UHRF1: variants seen among roughly 807,000 people sequenced by gnomAD.
UHRF1 encodes the protein ubiquitin like with PHD and ring finger domains 1.
In UHRF1, 9 loss-of-function variants were observed where a neutral mutation model predicts 96.5. The observed-to-expected ratio is 0.09, with a 90% CI of 0.06 to 0.16. UHRF1 has a LOEUF of 0.16. UHRF1 is among the 10% of genes least tolerant of loss of function. The probability of loss-of-function intolerance (pLI) is 1.00; values close to 1 mark genes in which losing one functional copy is unlikely to be tolerated. For missense variants in UHRF1, 626 were observed against 1,131.1 expected, an observed-to-expected ratio of 0.55 and a Z score of 6.40; for synonymous variants, 455 against 469.9, an observed-to-expected ratio of 0.97 and a Z score of 0.41.
At chr19:4,959,041 C>T (rs1030633620) in intron 16 of UHRF1, among the ~76,000 whole-genome samples, 2 of 150,892 alleles carry the variant, frequency 1.3e-5, no homozygotes, top group Non-Finnish European at 3.0e-5. Flanking sequence ...GCAGTGGTGC[C>T]ATCATAGCTC....
chr19:4,925,858 T>C (rs2032851411), intron 2 of UHRF1, among the ~76,000 whole-genome samples: 1 of 150,222 alleles, frequency 6.7e-6, no homozygotes, highest in Non-Finnish European at 1.5e-5. Flanking sequence ...ATGGCCACAT[T>C]GTGTTGATCC....
chr19:4,907,566 G>A (rs915681905), upstream of UHRF1, among the ~76,000 whole-genome samples: 3 of 151,776 alleles, frequency 2.0e-5, no homozygotes, highest in African/African-American at 7.3e-5. Flanking sequence ...CACCACGCCC[G>A]GCCCACACAT....
At chr19:4,912,165 G>A (rs904635719) in intron 2 of UHRF1, among the ~76,000 whole-genome samples, 1 of 152,134 alleles carries the variant, frequency 6.6e-6, no homozygotes, top group African/African-American at 2.4e-5. Context: ...GCCCTGCCCC[G>A]GGAGGAGGCG....
chr19:4,910,626 T>A, intron 1 of UHRF1: 1 of 386,698 alleles, frequency 2.6e-6, no homozygotes, highest in Admixed American at 4.5e-5. Context: ...TCTGCTTTTC[T>A]TTCAATTCCC....
At position 4,957,993 on chromosome 19, in the gene UHRF1, G is replaced by A. The variant is rs180979405; in HGVS notation, c.2235+1180G>A. On this transcript the variant is annotated intron_variant, in intron 16 of 16. Transcript: ENST00000650932. ...GTTGCTGGCGGTTTTCCTTCCAACT[G>A]CAGTCCCGCAGTCCTCTCAGCCATG... 1.9e-4 allele frequency among the ~76,000 whole-genome samples: 29 copies of A among 152,346 alleles called. No homozygotes were observed. In the Middle Eastern group the frequency reaches 0.01, roughly 54 times the overall value.
intron 10 of UHRF1, 23 bp from the exon 11 acceptor site, chr19:4,947,082 C>G: frequency 6.3e-7 from 1 of 1,580,774 alleles, no homozygotes; most frequent in Non-Finnish European, 8.7e-7. Flanking sequence ...AGAGGGTTCA[C>G]CCAGCCTTCT....
chr19:4,938,730 G>GTTTTTTTTTTTTTTTTTTTTT lies in UHRF1; in HGVS notation c.786-2787_786-2767dup, dbSNP rs71170880. Among the ~76,000 whole-genome samples, 23 of 61,586 alleles carry GTTTTTTTTTTTTTTTTTTTTT rather than the reference G, an allele frequency of 3.7e-4. 2 individuals are homozygous for GTTTTTTTTTTTTTTTTTTTTT. The highest frequency in any genetic ancestry group is 6.9e-4 in the South Asian group (1 of 1,452). The allele number at this position is 61,586 out of a possible 152,430, so 40.4% of individuals were successfully genotyped here. On this transcript the variant is annotated intron_variant, in intron 5 of 16. Coordinates refer to ENST00000650932, the MANE Select transcript of UHRF1 (RefSeq NM_001048201.3). ...GGCATAAGAGTTTTGTTTTGGTCAG[G>GTTTTTTTTTTTTTTTTTTTTT]TTTTTTTTTTTTTTTTTTTTTTTTT... is the stretch of plus-strand genomic sequence containing the variant.
chr19:4,928,058 G>A (rs2032928967), intron 2 of UHRF1, among the ~76,000 whole-genome samples: 1 of 152,232 alleles, frequency 6.6e-6, no homozygotes, highest in South Asian at 2.1e-4. Flanking sequence ...TTTCTTGGGG[G>A]CCTGTGGAAT....
intron 13 of UHRF1, among the ~76,000 whole-genome samples, chr19:4,951,308 C>G (rs2033711555): frequency 6.6e-6 from 1 of 152,138 alleles, no homozygotes; most frequent in South Asian, 2.1e-4. Flanking sequence ...TCTGACACTT[C>G]CCGCCTGGGC....
At chr19:4,938,730 GTTTTTTT>G (rs71170880) in intron 5 of UHRF1, among the ~76,000 whole-genome samples, 2,349 of 61,394 alleles carry the variant, frequency 0.038, 66 homozygotes, top group African/African-American at 0.16. Flanking sequence ...TTTTGGTCAG[GTTTTTTT>G]TTTTTTTTTT....
At chr19:4,929,119 C>T (rs1358329934) in intron 2 of UHRF1, 103 bp from the exon 3 acceptor site, 2 of 1,464,414 alleles carry the variant, frequency 1.4e-6, no homozygotes, top group Non-Finnish European at 1.8e-6. Flanking sequence ...ATTGCCCCCC[C>T]CCCACAAGGG....
intron 11 of UHRF1, among the ~76,000 whole-genome samples, chr19:4,947,437 C>T (rs2033598163): frequency 1.4e-5 from 2 of 147,334 alleles, no homozygotes; most frequent in African/African-American, 5.0e-5. Flanking sequence ...ATACCGTGAG[C>T]CATTCAGATG....
intron 2 of UHRF1, among the ~76,000 whole-genome samples, chr19:4,917,887 C>T (rs1397463360): frequency 3.3e-5 from 5 of 151,978 alleles, no homozygotes; most frequent in Non-Finnish European, 7.4e-5. Context: ...TATCAAACTC[C>T]TGGGCTCAAG....
chr19:4,905,783 C>T (rs1361290282), upstream of UHRF1, among the ~76,000 whole-genome samples: 1 of 152,136 alleles, frequency 6.6e-6, no homozygotes, highest in Admixed American at 6.6e-5. Context: ...TCCCAAAGTT[C>T]TGGGATTACA....
rs754709561 is a variant in UHRF1, at chr19:4,930,850, C to T, written c.543C>T (p.Asp181=). 1.1e-5 allele frequency: 18 copies of T among 1,613,784 alleles called. No homozygotes were observed. Among genetic ancestry groups the T allele is most frequent in the Admixed American group, 3.3e-5 (2 of 60,004 alleles). Residue 181 remains aspartate, a synonymous_variant, in exon 4 of 17, where the codon GAC becomes GAT. Coordinates refer to ENST00000650932, the MANE Select transcript of UHRF1 (RefSeq NM_001048201.3). This position sits in a 1 kb window ranked among gnomAD's most constrained non-coding sequence, Gnocchi z 4.4. ...SSTSRPALEE[D]VIYHVKYDDY... is the part of the protein sequence containing the mutation. ...CGTCCAGGCCGGCGCTGGAGGAGGA[C>T]GTCATTTACCACGTGAAATACGACG...
chr19:4,929,982 A>G (rs1414985767), intron 3 of UHRF1, among the ~76,000 whole-genome samples: 1 of 150,078 alleles, frequency 6.7e-6, no homozygotes, highest in Non-Finnish European at 1.5e-5. Flanking sequence ...ATTTTATTTT[A>G]TTACTTTTTT....
At chr19:4,913,778 T>C (rs543582473) in intron 2 of UHRF1, among the ~76,000 whole-genome samples, 1 of 151,288 alleles carries the variant, frequency 6.6e-6, no homozygotes, top group African/African-American at 2.4e-5. Flanking sequence ...CTTAGTTCCC[T>C]TACCCTGTGG....
chr19:4,919,306 CT>C lies in UHRF1; in HGVS notation c.153+8280del, dbSNP rs968467944. ...GCCACTGCACACAGCCCCATTTTAA[CT>C]TTTTTTTTTTTCTGAGGCAGAGTCT... On this transcript the variant is annotated intron_variant, in intron 2 of 16. Coordinates refer to ENST00000650932, the MANE Select transcript of UHRF1 (RefSeq NM_001048201.3). 9.7e-3 allele frequency among the ~76,000 whole-genome samples: 1,417 copies of C among 145,758 alleles called. 19 individuals are homozygous for C. Among genetic ancestry groups the C allele is most frequent in the African/African-American group, 0.03 (1,204 of 39,950 alleles).
At chr19:4,916,537 G>T (rs924981457) in intron 2 of UHRF1, among the ~76,000 whole-genome samples, 4 of 152,116 alleles carry the variant, frequency 2.6e-5, no homozygotes, top group Non-Finnish European at 5.9e-5. Flanking sequence ...CCGCTCTAGG[G>T]TCTGTCCTCA....
Sources: gnomAD v4.1 joint callset for allele counts (sites outside exome capture counted in the v4.1 genomes callset) on GRCh38, gnomAD v4.1.1 for gene constraint, Gnocchi (gnomAD v3.1) non-coding constraint, MANE v1.5 for transcripts, NCBI Gene and HGNC (gene_info 2026-07-23, HGNC 2026-07-21) for gene names.